Variants in ACVR1B observed in about 807,000 individuals in gnomAD.
ACVR1B encodes the protein activin receptor type-1B.
Under a neutral mutation model 55.6 loss-of-function variants are expected in ACVR1B, and 15 were observed. That is an observed-to-expected ratio of 0.27 (90% confidence interval 0.18 to 0.42). The LOEUF (loss-of-function observed/expected upper bound fraction) is 0.42. ACVR1B is among the 10% of genes least tolerant of loss of function. ACVR1B has a pLI of 1.00. For missense variants in ACVR1B, 359 were observed against 670.1 expected (o/e 0.54, Z 5.13); for synonymous variants, 247 against 254.6 (o/e 0.97, Z 0.28).
intron 6 of ACVR1B, 150 bp from the exon 7 acceptor site, chr12:51,986,668 C>A: frequency 1.8e-6 from 2 of 1,082,000 alleles, no homozygotes; most frequent in Non-Finnish European, 2.6e-6. Flanking sequence ...TGGGAGTTTG[C>A]AATGAAGAGA....
chr12:51,966,847 T>G (rs1164483990), intron 1 of ACVR1B, among the ~76,000 whole-genome samples: 1 of 152,254 alleles, frequency 6.6e-6, no homozygotes, highest in Non-Finnish European at 1.5e-5. Context: ...TTATTGTCAG[T>G]TATTTTAGGT....
chr12:51,989,441 C>G (rs1942146017), intron 7 of ACVR1B, among the ~76,000 whole-genome samples: 1 of 151,906 alleles, frequency 6.6e-6, no homozygotes, highest in Non-Finnish European at 1.5e-5. Flanking sequence ...CCCACCACCA[C>G]TGCGGGCTGA....
At chr12:51,975,128 G>T in intron 1 of ACVR1B, 137 bp from the exon 2 acceptor site, 1 of 1,220,910 alleles carries the variant, frequency 8.2e-7, no homozygotes, top group Non-Finnish European at 1.1e-6. Flanking sequence ...CTCAGTTAAG[G>T]ATATCTTTTT....
intron 3 of ACVR1B, among the ~76,000 whole-genome samples, chr12:51,978,554 G>T (rs972227849): frequency 2.0e-5 from 3 of 152,178 alleles, no homozygotes; most frequent in African/African-American, 7.2e-5. Context: ...ACCCGGCCAG[G>T]CGCGGTGGCT....
Position 51,996,889 on chromosome 12 carries a change from A to G in ACVR1B, c.*2779A>G, listed in dbSNP as rs1942306467. ...TCTTACGTCGCCATAAAGGCCCCCGAACGGCATTCTCGGTACTTCTGTTTG... is the reference window on the plus strand; with the variant it reads ...TCTTACGTCGCCATAAAGGCCCCCGGACGGCATTCTCGGTACTTCTGTTTG... On this transcript the variant is annotated 3_prime_UTR_variant, in exon 9 of 9. Transcript: ENST00000257963. 1 of 152,640 alleles carries G rather than the reference A, an allele frequency of 6.6e-6. No homozygotes were observed. Among genetic ancestry groups the G allele is most frequent in the Admixed American group, 6.5e-5 (1 of 15,282 alleles). The allele number at this position is 152,640 out of a possible 1,614,324, so 9.5% of individuals were successfully genotyped here. A position where few individuals can be genotyped will look rare whatever the true frequency, so the allele number is the denominator to read the frequency against.
At chr12:51,971,335 A>G (rs889819291) in intron 1 of ACVR1B, among the ~76,000 whole-genome samples, 1 of 152,194 alleles carries the variant, frequency 6.6e-6, no homozygotes, top group Non-Finnish European at 1.5e-5. Flanking sequence ...AATTTGACTA[A>G]CTTGTTAATG....
intron 1 of ACVR1B, among the ~76,000 whole-genome samples, chr12:51,953,117 G>A (rs1363699919): frequency 6.6e-6 from 1 of 152,042 alleles, no homozygotes; most frequent in Admixed American, 6.6e-5. Flanking sequence ...GATTGTATTC[G>A]CTCCTGACGT....
chr12:51,994,499 T>G lies in ACVR1B; in HGVS notation c.*389T>G. The stretch of plus-strand genomic sequence containing the variant: ...TGCTAAGCTGCCCTGAGGGTTTCCT[T>G]CGGGGACCAGCCCACAGCACACCAA... On this transcript the variant is annotated 3_prime_UTR_variant, in exon 9 of 9. Coordinates refer to ENST00000257963, the MANE Select transcript of ACVR1B (RefSeq NM_004302.5). The surrounding 1 kb of genome is among the most constrained non-coding windows in gnomAD (Gnocchi z 4.2). 1 of 203,908 alleles carries G rather than the reference T, an allele frequency of 4.9e-6. No individual in the cohort carries two copies. The highest frequency in any genetic ancestry group is 1.0e-5 in the Non-Finnish European group (1 of 99,272). The allele number at this position is 203,908 out of a possible 1,614,324, so 12.6% of individuals were successfully genotyped here.
At chr12:51,981,517 T>C (rs1313699630) in intron 4 of ACVR1B, among the ~76,000 whole-genome samples, 1 of 152,014 alleles carries the variant, frequency 6.6e-6, no homozygotes, top group East Asian at 1.9e-4. Flanking sequence ...CTGCAGGGGG[T>C]CCCGTAAGCT....
rs2714 is a variant in ACVR1B, at chr12:51,995,500, C to A, written c.*1390C>A. 755 of 152,544 alleles carry A rather than the reference C, an allele frequency of 4.9e-3. 5 individuals are homozygous for A. The highest frequency in any genetic ancestry group is 7.0e-3 in the Non-Finnish European group (476 of 67,986). The allele number at this position is 152,544 out of a possible 1,614,324, so 9.4% of individuals were successfully genotyped here. On this transcript the variant is annotated 3_prime_UTR_variant, in exon 9 of 9. Transcript: ENST00000257963. ...GCACGGCTGTGGGTGGTGATTTGGTCAGCATATCTTAGGTATATAATAACT... is the reference window on the plus strand; with the variant it reads ...GCACGGCTGTGGGTGGTGATTTGGTAAGCATATCTTAGGTATATAATAACT...
At chr12:51,989,015 A>C (rs1387165775) in intron 7 of ACVR1B, among the ~76,000 whole-genome samples, 1 of 152,186 alleles carries the variant, frequency 6.6e-6, no homozygotes, top group Admixed American at 6.5e-5. Context: ...CTGTAATCCC[A>C]GCACTTTGGG....
rs766582904 is a variant in ACVR1B at position 51,985,161 on chromosome 12, TTGTAAAGA to T, written c.980-29_980-22del. On this transcript the variant is annotated intron_variant, in intron 5 of 8. Coordinates refer to ENST00000257963, the MANE Select transcript of ACVR1B (RefSeq NM_004302.5). ...TGCTTTTAACATTTATATCATCTCTTTGTAAAGATCCCTGTTTTTTTCTCTGCCAGGGA... is the reference window on the plus strand; with the variant it reads ...TGCTTTTAACATTTATATCATCTCTTTCCCTGTTTTTTTCTCTGCCAGGGA... The T allele has an allele frequency of 2.5e-6, 4 of 1,588,124 alleles. No homozygotes were observed. The South Asian group carries it at 3.5e-5, about 14-fold the overall frequency.
Position 51,994,149 on chromosome 12 carries a change from A to G in ACVR1B, c.*39A>G. On this transcript the variant is annotated 3_prime_UTR_variant, in exon 9 of 9. Coordinates refer to ENST00000257963, the MANE Select transcript of ACVR1B (RefSeq NM_004302.5). This position sits in a 1 kb window ranked among gnomAD's most constrained non-coding sequence, Gnocchi z 4.2. ...CCACACGGAGCTCCTGGCAGCGAGA[A>G]CTACGCACAGCTGCCGCGTTGAGCG... 5 of 1,607,924 alleles carry G rather than the reference A, an allele frequency of 3.1e-6. No homozygotes were observed. Among genetic ancestry groups the G allele is most frequent in the Non-Finnish European group, 4.2e-6 (5 of 1,179,220 alleles).
intron 1 of ACVR1B, among the ~76,000 whole-genome samples, chr12:51,955,349 G>A (rs1296721924): frequency 6.6e-6 from 1 of 152,148 alleles, no homozygotes; most frequent in Non-Finnish European, 1.5e-5. Flanking sequence ...ATTCTCCACC[G>A]GTGAGCTAAT....
At position 51,975,437 on chromosome 12, in the gene ACVR1B, G is replaced by C; in HGVS notation, c.264G>C (p.Glu88Asp). 1 of 1,614,202 alleles carries C rather than the reference G, an allele frequency of 6.2e-7. No individual in the cohort carries two copies. The highest frequency in any genetic ancestry group is 8.5e-7 in the Non-Finnish European group (1 of 1,180,038). ...AGCCCTTCTACTGCCTGAGCTCGGAGGACCTGCGCAACACCCACTGCTGCT... is the reference window on the plus strand; with the variant it reads ...AGCCCTTCTACTGCCTGAGCTCGGACGACCTGCGCAACACCCACTGCTGCT... ...AGKPFYCLSS[E>D]DLRNTHCCYT... Residue 88 changes from glutamate (E) to aspartate (D), a missense_variant, in exon 2 of 9, where the codon GAG becomes GAC. Physicochemically the swap from Glu to Asp is conservative, Grantham distance 45. This residue lies in a region of ACVR1B where 133 missense variants were observed against 188.2 expected (regional missense o/e 0.71). Transcript: ENST00000257963.
In ACVR1B at chr12:51,991,958, C is replaced by T. The variant is rs1282697245; in HGVS notation, c.1357C>T (p.Arg453Cys). 6.2e-7 allele frequency: 1 copy of T among 1,614,204 alleles called. No homozygotes were observed. Among genetic ancestry groups the T allele is most frequent in the Non-Finnish European group, 8.5e-7 (1 of 1,180,038 alleles). ...MRKVVCDQKL[R>C]PNIPNWWQSY... is the part of the protein sequence containing the mutation. ...AAAGGTTGTATGTGATCAGAAGCTG[C>T]GTCCCAACATCCCCAACTGGTGGCA... The change falls in exon 8 of 9, where the codon CGT (arginine) becomes TGT (cysteine). Residue 453 changes from arginine to cysteine, a missense_variant. Around this residue, in one of 5 missense-constraint regions of ACVR1B, gnomAD observed 53 missense variants for 78.5 expected, o/e 0.68. Transcript: ENST00000257963.
chr12:51,981,253 G>A (rs116466437), intron 4 of ACVR1B, 54 bp downstream of exon 4: 30,670 of 1,496,298 alleles, frequency 0.02, 353 homozygotes, highest in Non-Finnish European at 0.023. Context: ...TAGAGAAAGT[G>A]CATAGCTATG....
chr12:51,953,291 T>G, intron 1 of ACVR1B: 1 of 967,734 alleles, frequency 1.0e-6, no homozygotes, highest in Non-Finnish European at 1.2e-6. Flanking sequence ...CATGCCACTT[T>G]GGAATCTCAA....
chr12:51,966,969 A>G (rs1941653273), intron 1 of ACVR1B, among the ~76,000 whole-genome samples: 2 of 151,912 alleles, frequency 1.3e-5, no homozygotes, highest in Non-Finnish European at 2.9e-5. Context: ...GGCCGGGCGC[A>G]GTGGCTCATG....
Sources: allele counts gnomAD v4.1 joint callset (sites outside exome capture counted in the v4.1 genomes callset), GRCh38; gene constraint gnomAD v4.1.1; regional missense constraint gnomAD v4.1.1; non-coding constraint Gnocchi (gnomAD v3.1); transcripts MANE v1.5; gene names NCBI Gene and HGNC (gene_info 2026-07-23, HGNC 2026-07-21).